Variants in RGS9 observed in about 807,000 individuals in gnomAD.
RGS9 encodes the protein regulator of G protein signaling 9, also known as regulator of G-protein signalling 9.
RGS9 carries 78 observed loss-of-function variants against 102.0 expected under a neutral mutation model. The ratio of observed to expected loss-of-function variants is 0.76; its 90% CI spans 0.64 to 0.92. The LOEUF is 0.92. RGS9 is among the 40% of genes least tolerant of loss of function. The pLI is 0.00. For synonymous variants in RGS9, 353 were observed against 318.6 expected (o/e 1.11, Z -1.15); for missense variants, 833 against 866.1 (o/e 0.96, Z 0.48).
chr17:65,197,443 A>G (rs1207970304), intron 13 of RGS9, among the ~76,000 whole-genome samples: 1 of 152,038 alleles, frequency 6.6e-6, no homozygotes, highest in Admixed American at 6.6e-5. Flanking sequence ...AAGAGGCCCC[A>G]CCGTCTGGGG....
intron 7 of RGS9, among the ~76,000 whole-genome samples, chr17:65,166,202 A>T (rs950527622): frequency 6.6e-6 from 1 of 152,216 alleles, no homozygotes; most frequent in African/African-American, 2.4e-5. Context: ...TGGCCTCAGA[A>T]ATTAGTGCCA....
chr17:65,186,903 T>A (rs1912145646), intron 9 of RGS9, among the ~76,000 whole-genome samples: 1 of 152,182 alleles, frequency 6.6e-6, no homozygotes, highest in African/African-American at 2.4e-5. Context: ...AACCAGTAGA[T>A]GCTATTCTGA....
intron 1 of RGS9, among the ~76,000 whole-genome samples, chr17:65,142,681 C>A (rs943228560): frequency 6.6e-6 from 1 of 150,628 alleles, no homozygotes; most frequent in African/African-American, 2.4e-5. Context: ...CTCCCGGGTT[C>A]AAGTGATTCT....
intron 8 of RGS9, among the ~76,000 whole-genome samples, chr17:65,172,454 A>G (rs1911456132): frequency 6.6e-6 from 1 of 152,086 alleles, no homozygotes; most frequent in Non-Finnish European, 1.5e-5. Context: ...GGCCTCCCAA[A>G]GTGCTAGGAT....
chr17:65,155,383 G>T (rs959240839), intron 2 of RGS9, among the ~76,000 whole-genome samples: 1 of 152,218 alleles, frequency 6.6e-6, no homozygotes, highest in African/African-American at 2.4e-5. Flanking sequence ...TCTCAGAGCT[G>T]TGTTTGTAAC....
chr17:65,159,235 C>T (rs1910887981), intron 3 of RGS9, among the ~76,000 whole-genome samples: 1 of 151,650 alleles, frequency 6.6e-6, no homozygotes, highest in Admixed American at 6.6e-5. Flanking sequence ...CCACCCCTAT[C>T]TCCCTTCGCT....
chr17:65,179,371 C>G (rs538838593), intron 9 of RGS9, among the ~76,000 whole-genome samples: 5 of 152,318 alleles, frequency 3.3e-5, no homozygotes, highest in African/African-American at 1.2e-4. Context: ...GTTCCCAGGG[C>G]AGCCTTTCCC....
intron 14 of RGS9, 57 bp downstream of exon 14, chr17:65,202,137 A>G (rs150908211): frequency 2.5e-6 from 3 of 1,206,686 alleles, no homozygotes; most frequent in African/African-American, 1.5e-5. Flanking sequence ...GGACCACCCC[A>G]TTGTGCTTGA....
intron 17 of RGS9, among the ~76,000 whole-genome samples, chr17:65,215,509 T>G (rs1000614798): frequency 7.6e-6 from 1 of 132,114 alleles, no homozygotes; most frequent in Non-Finnish European, 1.6e-5. Context: ...TCTTTCTTTC[T>G]TTCTTTCTTT....
At chr17:65,222,419 G>A (rs375563672) in intron 17 of RGS9, among the ~76,000 whole-genome samples, 4 of 152,158 alleles carry the variant, frequency 2.6e-5, no homozygotes, top group Non-Finnish European at 5.9e-5. Context: ...TATGGTTCAC[G>A]TGTACACTCA....
Position 65,202,028 on chromosome 17 carries a change from C to T in RGS9, c.1012C>T (p.Leu338=). The T allele has an allele frequency of 6.2e-7, 1 of 1,613,792 alleles. No individual in the cohort carries two copies. Among genetic ancestry groups the T allele is most frequent in the Non-Finnish European group, 8.5e-7 (1 of 1,179,782 alleles). Residue 338 remains leucine, a synonymous_variant, in exon 14 of 19, where the codon CTG becomes TTG. Transcript: ENST00000262406. ...NLGFWEACED[L]KYGDQSKVKE... ...GGGATTCTGGGAAGCCTGCGAGGATCTGAAGTATGGAGATCAGTCCAAAGT... is the reference window on the plus strand; with the variant it reads ...GGGATTCTGGGAAGCCTGCGAGGATTTGAAGTATGGAGATCAGTCCAAAGT...
At chr17:65,167,131 T>G (rs1911217748) in intron 7 of RGS9, among the ~76,000 whole-genome samples, 1 of 152,212 alleles carries the variant, frequency 6.6e-6, no homozygotes, top group African/African-American at 2.4e-5. Context: ...AGGCCCTGCG[T>G]CATTTCCCAT....
chr17:65,166,870 G>C (rs1487979445), intron 7 of RGS9, among the ~76,000 whole-genome samples: 1 of 152,224 alleles, frequency 6.6e-6, no homozygotes, highest in Non-Finnish European at 1.5e-5. Context: ...TTAATTTCCA[G>C]AGGAGGCTGA....
chr17:65,196,740 C>A (rs1436729493), intron 12 of RGS9, among the ~76,000 whole-genome samples: 1 of 152,220 alleles, frequency 6.6e-6, no homozygotes, highest in Non-Finnish European at 1.5e-5. Context: ...GCACCCATCA[C>A]CAATGCTGCT....
chr17:65,151,351 A>G (rs1910572604), intron 1 of RGS9, among the ~76,000 whole-genome samples: 1 of 135,222 alleles, frequency 7.4e-6, no homozygotes. Context: ...CCCAAAAAAA[A>G]AAAAAAAGAG....
chr17:65,167,959 A>G (rs1911256556), intron 7 of RGS9, among the ~76,000 whole-genome samples: 1 of 152,210 alleles, frequency 6.6e-6, no homozygotes, highest in African/African-American at 2.4e-5. Context: ...TGAACTTTGA[A>G]GTAAGAAAAG....
intron 1 of RGS9, among the ~76,000 whole-genome samples, chr17:65,146,805 G>C (rs1313930998): frequency 6.6e-6 from 1 of 152,102 alleles, no homozygotes; most frequent in African/African-American, 2.4e-5. Context: ...CACAAGAACC[G>C]CTTGAGCCCA....
Position 65,227,391 on chromosome 17 carries a change from C to T in RGS9, c.2009C>T (p.Pro670Leu), listed in dbSNP as rs1905742915. 10 of 1,613,684 alleles carry T rather than the reference C, an allele frequency of 6.2e-6. No homozygotes were observed. The highest frequency in any genetic ancestry group is 8.5e-6 in the Non-Finnish European group (10 of 1,179,736). Residue 670 changes from proline (P) to leucine (L), a missense_variant, in exon 19 of 19, where the codon CCC (proline) becomes CTC (leucine). Transcript: ENST00000262406. ...GCCACAGAAAAGGAGGTCATCTGCC[C>T]CTGGGAGAGCCTGTAAGGAAAGAGG... is the stretch of plus-strand genomic sequence containing the variant. ...DRATEKEVIC[P>L]WESL
chr17:65,137,431 T>TC lies in RGS9; in HGVS notation c.-106dup. The TC allele has an allele frequency of 8.9e-7, 1 of 1,117,852 alleles. No homozygotes were observed. Among genetic ancestry groups the TC allele is most frequent in the Non-Finnish European group, 1.3e-6 (1 of 745,320 alleles). 69.2% of individuals were successfully genotyped at this position (1,117,852 alleles called of 1,614,324 possible). ...CCCGCGCCCTCCCCGCCCAGCCGCC[T>TC]CCCCGTCGACGCCCAGGGCTGGGGC... On this transcript the variant is annotated 5_prime_UTR_variant, in exon 1 of 19. Coordinates refer to ENST00000262406, the MANE Select transcript of RGS9 (RefSeq NM_003835.4).
Sources: allele counts gnomAD v4.1 joint callset (sites outside exome capture counted in the v4.1 genomes callset), GRCh38; gene constraint gnomAD v4.1.1; transcripts MANE v1.5; gene names NCBI Gene and HGNC (gene_info 2026-07-23, HGNC 2026-07-21).